Variants in SPATA6 observed in about 807,000 individuals in gnomAD.
SPATA6 encodes the protein spermatogenesis associated 6, also known as spermatogenesis-associated protein 6.
SPATA6 carries 56 observed loss-of-function variants against 65.3 expected under a neutral mutation model. That is an observed-to-expected ratio of 0.86 (90% CI 0.69 to 1.07). The LOEUF (loss-of-function observed/expected upper bound fraction) is 1.07, where lower values mean the gene tolerates loss of function less well. SPATA6 is among the 50% of genes least tolerant of loss of function. SPATA6 has a pLI of 0.00. For missense variants in SPATA6, 590 were observed against 594.8 expected, an observed-to-expected ratio of 0.99 and a Z score of 0.08; for synonymous variants, 199 against 213.2, an observed-to-expected ratio of 0.93 and a Z score of 0.58.
intron 9 of SPATA6, among the ~76,000 whole-genome samples, chr1:48,374,345 C>T (rs936102715): frequency 6.6e-6 from 1 of 150,818 alleles, no homozygotes; most frequent in South Asian, 2.1e-4. Flanking sequence ...ACAATAGGAA[C>T]AAGCCATAAA....
At chr1:48,395,421 C>T (rs956292895) in intron 7 of SPATA6, 67 bp from the exon 8 acceptor site, 2 of 1,131,764 alleles carry the variant, frequency 1.8e-6, no homozygotes, top group South Asian at 4.8e-5. Flanking sequence ...TCTCATGGTA[C>T]CAGAAAAACT....
intron 8 of SPATA6, among the ~76,000 whole-genome samples, chr1:48,392,738 T>C (rs1650195765): frequency 6.6e-6 from 1 of 152,034 alleles, no homozygotes; most frequent in Admixed American, 6.6e-5. Flanking sequence ...TTAATAAATA[T>C]TAGGCAAGAT....
rs755789904 is a variant in SPATA6, at chr1:48,399,513, G to A, written c.618C>T (p.Tyr206=). Residue 206 remains tyrosine, a synonymous_variant, in exon 7 of 13, where the codon TAC becomes TAT. Transcript: ENST00000371847. ...RSKYCINAKN[Y]EQPTISSKSH... is the part of the protein sequence containing the mutation. ...ATTTTGAAGAAATTGTAGGCTGTTC[G>A]TAGTTTTTTGCATTTATACAGTATT... 12 of 1,613,050 alleles carry A rather than the reference G, an allele frequency of 7.4e-6. No homozygotes were observed. Among genetic ancestry groups the A allele is most frequent in the Admixed American group, 3.3e-5 (2 of 59,904 alleles).
intron 8 of SPATA6, among the ~76,000 whole-genome samples, chr1:48,391,203 GAAA>G (rs34715593): frequency 3.7e-5 from 4 of 108,396 alleles, no homozygotes; most frequent in Non-Finnish European, 5.7e-5. Flanking sequence ...AATCTCTACA[GAAA>G]AAAAAAAAAA....
At chr1:48,280,252 C>T in the SPATA6 span, among the ~76,000 whole-genome samples, 6 of 152,054 alleles carry the variant, frequency 3.9e-5, no homozygotes, top group African/African-American at 1.4e-4. Flanking sequence ...AATTGACACC[C>T]TAACATCACA....
At chr1:48,306,362 C>A (rs1189196496) in intron 11 of SPATA6, among the ~76,000 whole-genome samples, 2 of 151,708 alleles carry the variant, frequency 1.3e-5, no homozygotes, top group African/African-American at 4.8e-5. Context: ...AAATAACAAG[C>A]CAGAAAAGGC....
chr1:48,449,726 C>A (rs963403996), intron 3 of SPATA6, among the ~76,000 whole-genome samples: 16 of 152,152 alleles, frequency 1.1e-4, no homozygotes, highest in African/African-American at 3.6e-4. Flanking sequence ...CTAGGGAAAT[C>A]TGAATTATGA....
chr1:48,385,409 T>C, intron 8 of SPATA6, 60 bp from the exon 9 acceptor site: 2 of 1,420,366 alleles, frequency 1.4e-6, no homozygotes, highest in Non-Finnish European at 1.9e-6. Flanking sequence ...TGATTTTTAA[T>C]ACTATCATTG....
At chr1:48,469,251 A>G (rs1281168727) in intron 1 of SPATA6, among the ~76,000 whole-genome samples, 1 of 152,200 alleles carries the variant, frequency 6.6e-6, no homozygotes. Context: ...ATACACATAC[A>G]TATAGACAAA....
At chr1:48,466,977 A>T (rs1570659782) in intron 1 of SPATA6, among the ~76,000 whole-genome samples, 1 of 152,158 alleles carries the variant, frequency 6.6e-6, no homozygotes, top group Non-Finnish European at 1.5e-5. Flanking sequence ...TATTAAATAT[A>T]AAAAGAAGGT....
chr1:48,272,620 C>T, the SPATA6 span, among the ~76,000 whole-genome samples: 2 of 152,098 alleles, frequency 1.3e-5, no homozygotes, highest in Non-Finnish European at 2.9e-5. Flanking sequence ...CATATCTTGG[C>T]TATTGTAATA....
chr1:48,435,483 G>C (rs1557706038), intron 3 of SPATA6, among the ~76,000 whole-genome samples: 6 of 151,974 alleles, frequency 3.9e-5, no homozygotes. Flanking sequence ...GCACCAATCA[G>C]CACTCTGTAA....
intron 9 of SPATA6, among the ~76,000 whole-genome samples, chr1:48,373,706 T>A (rs1271919779): frequency 6.6e-6 from 1 of 152,210 alleles, no homozygotes; most frequent in South Asian, 2.1e-4. Flanking sequence ...TTCACTTTCA[T>A]GGCTGAGGGC....
chr1:48,317,057 G>A (rs574241160), intron 11 of SPATA6, among the ~76,000 whole-genome samples: 1 of 152,322 alleles, frequency 6.6e-6, no homozygotes, highest in Non-Finnish European at 1.5e-5. Context: ...TGAAGAAATA[G>A]GAACACTTTT....
chr1:48,341,268 C>T (rs771415648), intron 11 of SPATA6, among the ~76,000 whole-genome samples: 1 of 152,094 alleles, frequency 6.6e-6, no homozygotes, highest in Non-Finnish European at 1.5e-5. Context: ...TCATCAGTTC[C>T]ACTTCCCATG....
chr1:48,450,280 A>C (rs1213925985), intron 3 of SPATA6, among the ~76,000 whole-genome samples: 1 of 151,974 alleles, frequency 6.6e-6, no homozygotes, highest in African/African-American at 2.4e-5. Flanking sequence ...AGGGCAGAGA[A>C]AGATGAATTT....
At chr1:48,349,348 G>A (rs1199740196) in intron 11 of SPATA6, among the ~76,000 whole-genome samples, 1 of 151,964 alleles carries the variant, frequency 6.6e-6, no homozygotes, top group African/African-American at 2.4e-5. Flanking sequence ...TAGTGACTAT[G>A]TAGTTCTTTT....
At chr1:48,271,678 TAAC>T in the SPATA6 span, among the ~76,000 whole-genome samples, 4 of 151,960 alleles carry the variant, frequency 2.6e-5, no homozygotes, top group South Asian at 2.1e-4. Flanking sequence ...GATGCAGATT[TAAC>T]AACTAGGCCA....
At chr1:48,306,595 T>A (rs1174679292) in intron 11 of SPATA6, among the ~76,000 whole-genome samples, 1 of 151,986 alleles carries the variant, frequency 6.6e-6, no homozygotes, top group Non-Finnish European at 1.5e-5. Flanking sequence ...AATATCCTTG[T>A]GTTCCTTAGT....
Sources: gnomAD v4.1 joint callset for allele counts (sites outside exome capture counted in the v4.1 genomes callset) on GRCh38, gnomAD v4.1.1 for gene constraint, MANE v1.5 for transcripts, NCBI Gene and HGNC (gene_info 2026-07-23, HGNC 2026-07-21) for gene names.